GALNT13: variants seen among roughly 807,000 people sequenced by gnomAD.
GALNT13 encodes the protein UDP-GalNAc:polypeptide N-acetylgalactosaminyltransferase 13.
In GALNT13, 28 loss-of-function variants were observed where a neutral mutation model predicts 64.2. The observed-to-expected ratio is 0.44, with a 90% CI of 0.32 to 0.60. The LOEUF is 0.60. Ranked by LOEUF, GALNT13 falls within the 20% of genes least tolerant of loss-of-function variation. GALNT13 has a pLI of 0.05. For missense variants in GALNT13, 577 were observed against 669.8 expected, an observed-to-expected ratio of 0.86 and a Z score of 1.53; for synonymous variants, 214 against 224.6, an observed-to-expected ratio of 0.95 and a Z score of 0.42.
At chr2:154,056,590 A>G (rs1377802066) in intron 3 of GALNT13, among the ~76,000 whole-genome samples, 1 of 152,176 alleles carries the variant, frequency 6.6e-6, no homozygotes, top group Admixed American at 6.6e-5. Flanking sequence ...CAGTAGAGCC[A>G]TCATTAAATG....
the GALNT13 span, among the ~76,000 whole-genome samples, chr2:153,832,843 A>G: frequency 6.6e-6 from 1 of 152,156 alleles, no homozygotes. Flanking sequence ...TGCAATTCTG[A>G]CTTTTTAATG....
At chr2:154,064,141 A>G (rs919968859) in intron 3 of GALNT13, among the ~76,000 whole-genome samples, 7 of 152,150 alleles carry the variant, frequency 4.6e-5, no homozygotes, top group Admixed American at 4.6e-4. Context: ...ACAGAAAGCA[A>G]AAACTTGTAG....
chr2:153,172,484 T>A, the GALNT13 span, among the ~76,000 whole-genome samples: 1,435 of 152,052 alleles, frequency 9.4e-3, 10 homozygotes, highest in Non-Finnish European at 0.014. Flanking sequence ...CCTAAGGGGA[T>A]TTAAAGCACC....
intron 4 of GALNT13, among the ~76,000 whole-genome samples, chr2:154,160,467 A>G (rs1244814741): frequency 2.0e-5 from 3 of 152,050 alleles, no homozygotes; most frequent in South Asian, 2.1e-4. Flanking sequence ...ACTCCTTACC[A>G]CATCCAAATT....
At chr2:153,292,039 T>A in the GALNT13 span, among the ~76,000 whole-genome samples, 1 of 152,206 alleles carries the variant, frequency 6.6e-6, no homozygotes, top group Non-Finnish European at 1.5e-5. Context: ...AAACTATCTT[T>A]GATTTTCTAC....
chr2:154,056,904 A>T (rs1031018451), intron 3 of GALNT13, among the ~76,000 whole-genome samples: 1 of 151,934 alleles, frequency 6.6e-6, no homozygotes, highest in African/African-American at 2.4e-5. Flanking sequence ...TTTTAGGTTG[A>T]GTTTCTTTGA....
the GALNT13 span, among the ~76,000 whole-genome samples, chr2:153,707,539 G>A: frequency 1.3e-5 from 2 of 152,254 alleles, no homozygotes; most frequent in South Asian, 2.1e-4. Flanking sequence ...AGATGCAATA[G>A]CACAGTAGTT....
the GALNT13 span, among the ~76,000 whole-genome samples, chr2:153,610,187 A>G: frequency 1.3e-5 from 2 of 152,208 alleles, no homozygotes; most frequent in Admixed American, 6.5e-5. Context: ...ATATAAAGTT[A>G]GTGATACAGC....
chr2:153,605,481 A>T, the GALNT13 span, among the ~76,000 whole-genome samples: 3 of 152,098 alleles, frequency 2.0e-5, no homozygotes, highest in Non-Finnish European at 4.4e-5. Context: ...AAATATAAGG[A>T]TGTCTTTGAG....
At chr2:154,236,383 G>C (rs1689191089) in intron 4 of GALNT13, among the ~76,000 whole-genome samples, 1 of 152,012 alleles carries the variant, frequency 6.6e-6, no homozygotes, top group Non-Finnish European at 1.5e-5. Flanking sequence ...TTCACCTGTA[G>C]ACACAGTCAG....
At chr2:153,636,106 G>A in the GALNT13 span, among the ~76,000 whole-genome samples, 80 of 152,058 alleles carry the variant, frequency 5.3e-4, no homozygotes, top group African/African-American at 1.6e-3. Context: ...CAAAACGCCC[G>A]TTATATAAAA....
intron 11 of GALNT13, among the ~76,000 whole-genome samples, chr2:154,424,904 T>C (rs1381418641): frequency 6.6e-6 from 1 of 152,236 alleles, no homozygotes; most frequent in African/African-American, 2.4e-5. Context: ...TTTGCAGCAA[T>C]ACTGACAGAT....
the GALNT13 span, among the ~76,000 whole-genome samples, chr2:153,574,713 A>G: frequency 7.4e-6 from 1 of 135,354 alleles, no homozygotes; most frequent in African/African-American, 3.2e-5. Context: ...AATTATTTCA[A>G]TCTTTTTTTT....
chr2:153,170,814 A>G, the GALNT13 span, among the ~76,000 whole-genome samples: 24 of 152,298 alleles, frequency 1.6e-4, no homozygotes, highest in East Asian at 3.3e-3. Flanking sequence ...TTTGAAATAC[A>G]TTTCTCATTT....
intron 3 of GALNT13, among the ~76,000 whole-genome samples, chr2:154,083,470 C>T (rs113400835): frequency 0.071 from 10,853 of 151,820 alleles, 463 homozygotes; most frequent in Middle Eastern, 0.14. Flanking sequence ...TGGCTTGATG[C>T]GGATGGCATT....
the GALNT13 span, among the ~76,000 whole-genome samples, chr2:153,485,756 C>T: frequency 3.9e-5 from 6 of 152,072 alleles, no homozygotes; most frequent in Middle Eastern, 6.8e-3. Context: ...AGGCTTTAGC[C>T]GGGCATGGTG....
chr2:153,939,275 C>T lies in GALNT13; in HGVS notation c.-104-5119C>T, dbSNP rs140416545. 1.3e-4 allele frequency among the ~76,000 whole-genome samples: 20 copies of T among 152,250 alleles called. No homozygotes were observed. In the East Asian group the frequency reaches 3.7e-3, roughly 28 times the overall value. On this transcript the variant is annotated intron_variant, in intron 2 of 12. Transcript: ENST00000392825. ...TATGACTGGGCAGAGAAAGCACAATCGCACATGCCCTGAGGCAAGCTAGTA... is the reference window on the plus strand; with the variant it reads ...TATGACTGGGCAGAGAAAGCACAATTGCACATGCCCTGAGGCAAGCTAGTA...
the GALNT13 span, among the ~76,000 whole-genome samples, chr2:153,806,470 C>A: frequency 6.6e-6 from 1 of 151,698 alleles, no homozygotes; most frequent in Non-Finnish European, 1.5e-5. Context: ...AAAATATAGG[C>A]GGGAAATTAT....
chr2:153,702,945 T>C, the GALNT13 span, among the ~76,000 whole-genome samples: 1 of 152,028 alleles, frequency 6.6e-6, no homozygotes, highest in Admixed American at 6.6e-5. Context: ...ATTAAGAAGC[T>C]GGGAAAATGA....
Sources: gnomAD v4.1 joint callset for allele counts (sites outside exome capture counted in the v4.1 genomes callset) on GRCh38, gnomAD v4.1.1 for gene constraint, MANE v1.5 for transcripts, NCBI Gene and HGNC (gene_info 2026-07-23, HGNC 2026-07-21) for gene names.